Variants in SNTG2 observed in about 807,000 individuals in gnomAD.
SNTG2 encodes syntrophin gamma 2.
Under a neutral mutation model 70.9 loss-of-function variants are expected in SNTG2, and 74 were observed. That is an observed-to-expected ratio of 1.04 (90% CI 0.86 to 1.27). The LOEUF is 1.27. Among genes scored for constraint, SNTG2 ranks in the 50% most tolerant of loss-of-function variants. The pLI is 0.00. For synonymous variants in SNTG2, 278 were observed against 273.8 expected (o/e 1.02, Z -0.15); for missense variants, 717 against 690.7 (o/e 1.04, Z -0.43).
chr2:1,292,366 C>T (rs1295374151), intron 14 of SNTG2, among the ~76,000 whole-genome samples: 1 of 151,992 alleles, frequency 6.6e-6, no homozygotes, highest in Non-Finnish European at 1.5e-5. Context: ...TGCTGTAGCT[C>T]GGATGTCTAG....
At chr2:971,004 T>C (rs7603407) in intron 1 of SNTG2, among the ~76,000 whole-genome samples, 52,303 of 151,970 alleles carry the variant, frequency 0.34, 9,790 homozygotes, top group Middle Eastern at 0.46. Flanking sequence ...AAACAACAGG[T>C]GCTGGAGAGG....
At chr2:1,144,054 C>A (rs1668940618) in intron 6 of SNTG2, among the ~76,000 whole-genome samples, 1 of 152,088 alleles carries the variant, frequency 6.6e-6, no homozygotes, top group Non-Finnish European at 1.5e-5. Flanking sequence ...CGCTGGGTAG[C>A]CCCATAGATC....
At chr2:1,315,788 G>A (rs902881035) in intron 15 of SNTG2, among the ~76,000 whole-genome samples, 1 of 152,162 alleles carries the variant, frequency 6.6e-6, no homozygotes, top group African/African-American at 2.4e-5. Context: ...AGATGGGGTG[G>A]TGTCAGTCAG....
At chr2:1,314,379 G>A (rs547585079) in intron 15 of SNTG2, among the ~76,000 whole-genome samples, 6 of 152,236 alleles carry the variant, frequency 3.9e-5, no homozygotes, top group Non-Finnish European at 8.8e-5. Flanking sequence ...GAATCTAAGG[G>A]GCTGAAGTCA....
intron 4 of SNTG2, among the ~76,000 whole-genome samples, chr2:1,099,070 C>T (rs188165481): frequency 1.3e-3 from 205 of 152,288 alleles, no homozygotes; most frequent in African/African-American, 4.7e-3. Context: ...ACATAATGAA[C>T]CCCCTGCGGT....
intron 2 of SNTG2, among the ~76,000 whole-genome samples, chr2:1,090,596 A>G (rs1221054300): frequency 6.6e-6 from 1 of 152,220 alleles, no homozygotes; most frequent in Non-Finnish European, 1.5e-5. Context: ...GTGACTTGAG[A>G]GATCAAGAGC....
At chr2:1,113,999 A>C (rs1247085302) in intron 4 of SNTG2, among the ~76,000 whole-genome samples, 3 of 151,258 alleles carry the variant, frequency 2.0e-5, no homozygotes, top group Non-Finnish European at 4.4e-5. Flanking sequence ...GTACTAAGTG[A>C]GGTTTAACTC....
intron 1 of SNTG2, among the ~76,000 whole-genome samples, chr2:1,010,951 C>T (rs2147997340): frequency 6.6e-6 from 1 of 152,334 alleles, no homozygotes; most frequent in Middle Eastern, 3.4e-3. Flanking sequence ...GTTAACTTTA[C>T]AGCAAGATGC....
chr2:1,341,874 C>G (rs9678776), intron 16 of SNTG2, among the ~76,000 whole-genome samples: 1,915 of 137,088 alleles, frequency 0.014, 45 homozygotes, highest in African/African-American at 0.048. Context: ...GAGATAGGGT[C>G]TTACTCTGTT....
intron 6 of SNTG2, among the ~76,000 whole-genome samples, chr2:1,153,373 A>C (rs530797104): frequency 6.6e-6 from 1 of 152,340 alleles, no homozygotes; most frequent in Admixed American, 6.5e-5. Context: ...CCCTTGTTAC[A>C]TGATGTTTAT....
At chr2:1,126,944 C>T (rs573051506) in intron 4 of SNTG2, among the ~76,000 whole-genome samples, 1 of 152,216 alleles carries the variant, frequency 6.6e-6, no homozygotes, top group African/African-American at 2.4e-5. Flanking sequence ...GTTTCCTTTG[C>T]TGTGCAGAAC....
chr2:1,219,353 T>A (rs1272901257), intron 9 of SNTG2, among the ~76,000 whole-genome samples: 1 of 152,224 alleles, frequency 6.6e-6, no homozygotes, highest in Non-Finnish European at 1.5e-5. Context: ...GTCTTGCGTA[T>A]TTCTCTATGG....
intron 1 of SNTG2, 70 bp downstream of exon 1, chr2:951,138 C>T (rs1572154349): frequency 5.9e-6 from 4 of 675,058 alleles, no homozygotes; most frequent in Non-Finnish European, 8.3e-6. Flanking sequence ...CTTCTCCCCC[C>T]GCCCCTCCTC....
rs538875555 is a variant in SNTG2, at chr2:1,204,327, CAAAA to C, written c.592-4772_592-4769del. Among the ~76,000 whole-genome samples, 10 of 151,994 alleles carry C rather than the reference CAAAA, an allele frequency of 6.6e-5. 2 individuals are homozygous for C. The South Asian group carries it at 2.1e-3, about 32-fold the overall frequency. ...TGCCTCAATACAGTTCAGTTACAAA[CAAAA>C]AAAGTGCAAAGCTTTTCAGTGATTC... On this transcript the variant is annotated intron_variant, in intron 8 of 16. Coordinates refer to ENST00000308624, the MANE Select transcript of SNTG2 (RefSeq NM_018968.4).
chr2:1,033,115 T>C (rs540669001), intron 1 of SNTG2, among the ~76,000 whole-genome samples: 17 of 152,298 alleles, frequency 1.1e-4, no homozygotes, highest in Admixed American at 1.1e-3. Context: ...ACGAGAAATA[T>C]GCACCCATGA....
intron 1 of SNTG2, among the ~76,000 whole-genome samples, chr2:952,167 T>C (rs1416303608): frequency 3.3e-5 from 5 of 152,224 alleles, no homozygotes; most frequent in Non-Finnish European, 7.3e-5. Flanking sequence ...AAGTACTTTG[T>C]AATATGAATA....
chr2:1,234,864 T>C (rs563393007), intron 9 of SNTG2, among the ~76,000 whole-genome samples: 22 of 152,338 alleles, frequency 1.4e-4, no homozygotes, highest in African/African-American at 5.3e-4. Flanking sequence ...TGGACTCAGA[T>C]TCCTTCTCAC....
chr2:1,167,474 G>A (rs527702754), intron 7 of SNTG2, among the ~76,000 whole-genome samples: 22 of 136,058 alleles, frequency 1.6e-4, no homozygotes, highest in Non-Finnish European at 3.1e-4. Context: ...GCCCACAGAC[G>A]GCAGAACTGA....
intron 1 of SNTG2, among the ~76,000 whole-genome samples, chr2:963,558 A>G (rs985160633): frequency 1.3e-5 from 2 of 152,150 alleles, no homozygotes; most frequent in East Asian, 3.8e-4. Context: ...TTGAAATAAC[A>G]TGTGCCTTGG....
Sources: allele counts gnomAD v4.1 joint callset (sites outside exome capture counted in the v4.1 genomes callset), GRCh38; gene constraint gnomAD v4.1.1; transcripts MANE v1.5; gene names NCBI Gene and HGNC (gene_info 2026-07-23, HGNC 2026-07-21).